FOXP1: variants seen among roughly 807,000 people sequenced by gnomAD.
FOXP1 encodes forkhead box protein P1.
Under a neutral mutation model 98.2 loss-of-function variants are expected in FOXP1, and 15 were observed. The observed-to-expected ratio is 0.15, with a 90% confidence interval of 0.10 to 0.24. FOXP1 has a LOEUF of 0.24. Ranked by LOEUF, FOXP1 falls within the 10% of genes least tolerant of loss-of-function variation. The pLI, the probability that FOXP1 is intolerant of heterozygous loss-of-function variation, is 1.00. For synonymous variants in FOXP1, 371 were observed against 314.5 expected (o/e 1.18, Z -1.90); for missense variants, 633 against 848.5 (o/e 0.75, Z 3.15).
chr3:71,219,980 C>T (rs2065235089), intron 5 of FOXP1, among the ~76,000 whole-genome samples: 1 of 152,214 alleles, frequency 6.6e-6, no homozygotes. Context: ...ACCTCTCCGC[C>T]TCCACCATGA....
chr3:71,371,495 T>C (rs185706803), intron 3 of FOXP1, among the ~76,000 whole-genome samples: 10 of 152,318 alleles, frequency 6.6e-5, no homozygotes, highest in Admixed American at 3.9e-4. Context: ...CATTTCAGAA[T>C]AAAATCCAGG....
At chr3:71,002,271 T>C (rs925834336) in intron 12 of FOXP1, among the ~76,000 whole-genome samples, 4 of 152,208 alleles carry the variant, frequency 2.6e-5, no homozygotes, top group African/African-American at 9.7e-5. Flanking sequence ...GTAATGACTT[T>C]TACCTTAAAA....
chr3:71,137,535 T>C (rs1046131448), intron 6 of FOXP1, among the ~76,000 whole-genome samples: 1 of 152,152 alleles, frequency 6.6e-6, no homozygotes, highest in African/African-American at 2.4e-5. Context: ...CCTGTTCTGA[T>C]TGTGGAAATC....
At chr3:71,553,289 A>G (rs1423079270) in intron 2 of FOXP1, among the ~76,000 whole-genome samples, 1 of 152,202 alleles carries the variant, frequency 6.6e-6, no homozygotes, top group Non-Finnish European at 1.5e-5. Context: ...TACAAGATGA[A>G]ATTCATCAAA....
At chr3:71,274,742 G>A (rs1477740238) in intron 5 of FOXP1, among the ~76,000 whole-genome samples, 1 of 152,194 alleles carries the variant, frequency 6.6e-6, no homozygotes, top group Non-Finnish European at 1.5e-5. Context: ...TAAAGGCTGG[G>A]TAGATCTGGG....
intron 12 of FOXP1, 119 bp downstream of exon 12, chr3:71,015,430 G>T: frequency 1.5e-6 from 1 of 679,370 alleles, no homozygotes; most frequent in Non-Finnish European, 2.7e-6. Context: ...GTGATTTAGA[G>T]TCCACTCTCA....
chr3:71,071,332 C>G (rs1396056683), intron 7 of FOXP1, among the ~76,000 whole-genome samples: 1 of 152,176 alleles, frequency 6.6e-6, no homozygotes, highest in East Asian at 1.9e-4. Context: ...AGTTTCCAGA[C>G]AGCTCCAAGT....
At chr3:71,475,611 G>A (rs2089759618) in intron 3 of FOXP1, among the ~76,000 whole-genome samples, 1 of 152,138 alleles carries the variant, frequency 6.6e-6, no homozygotes, top group Admixed American at 6.5e-5. Flanking sequence ...GGGAGGGTGA[G>A]GTGGGCAGAT....
At chr3:71,531,943 G>T (rs148202418) in intron 2 of FOXP1, among the ~76,000 whole-genome samples, 1 of 152,274 alleles carries the variant, frequency 6.6e-6, no homozygotes, top group Admixed American at 6.5e-5. Context: ...TGAAAAAACC[G>T]AATGTCATTT....
At chr3:71,364,120 A>C (rs2078754338) in intron 3 of FOXP1, among the ~76,000 whole-genome samples, 1 of 152,190 alleles carries the variant, frequency 6.6e-6, no homozygotes, top group Non-Finnish European at 1.5e-5. Context: ...ACACCCGGCT[A>C]ATTTCAAAAA....
intron 5 of FOXP1, among the ~76,000 whole-genome samples, chr3:71,232,841 C>A (rs904475684): frequency 1.7e-5 from 2 of 119,546 alleles, no homozygotes; most frequent in African/African-American, 6.4e-5. Context: ...GAAGTTATAA[C>A]GAGCTGAGAT....
At chr3:71,001,126 G>T in intron 12 of FOXP1, 67 bp from the exon 13 acceptor site, 2 of 1,285,560 alleles carry the variant, frequency 1.6e-6, no homozygotes, top group Non-Finnish European at 2.3e-6. Context: ...AAGTTACCAG[G>T]ATGTTTAAGC....
chr3:71,212,259 G>A (rs1039316335), intron 5 of FOXP1, among the ~76,000 whole-genome samples: 11 of 152,160 alleles, frequency 7.2e-5, no homozygotes, highest in South Asian at 4.1e-4. Flanking sequence ...CAACCTATCC[G>A]TGAGTGGTAC....
chr3:71,406,179 G>C (rs951612707), intron 3 of FOXP1, among the ~76,000 whole-genome samples: 2 of 151,862 alleles, frequency 1.3e-5, no homozygotes, highest in Non-Finnish European at 2.9e-5. Flanking sequence ...AAACTTAAGG[G>C]CTTAAAACAA....
chr3:71,111,871 T>C (rs974346716), intron 7 of FOXP1, among the ~76,000 whole-genome samples: 3 of 152,138 alleles, frequency 2.0e-5, no homozygotes, highest in East Asian at 1.9e-4. Context: ...CACTGAAGAA[T>C]TGGGTATATA....
intron 6 of FOXP1, among the ~76,000 whole-genome samples, chr3:71,156,093 T>A (rs181439147): frequency 6.6e-6 from 1 of 152,220 alleles, no homozygotes; most frequent in Non-Finnish European, 1.5e-5. Context: ...AGATGAACAC[T>A]TAATTGAGAG....
In FOXP1 at chr3:70,957,204, G is replaced by C. The variant is rs1404946711; in HGVS notation, c.*2043C>G. The C allele has an allele frequency of 9.1e-6, 2 of 220,700 alleles. No homozygotes were observed. The highest frequency in any genetic ancestry group is 1.8e-5 in the Non-Finnish European group (2 of 110,834). 13.7% of individuals were successfully genotyped at this position (220,700 alleles called of 1,614,324 possible). A position where few individuals can be genotyped will look rare whatever the true frequency, so the allele number is the denominator to read the frequency against. ...TTCCTTCTGTAGCTCCTTTAATATTGTGTCCTATTTTTATCTGCAGTAGCC... is the reference window on the plus strand; with the variant it reads ...TTCCTTCTGTAGCTCCTTTAATATTCTGTCCTATTTTTATCTGCAGTAGCC... On this transcript the variant is annotated 3_prime_UTR_variant, in exon 21 of 21. Transcript: ENST00000649528.
At position 71,198,526 on chromosome 3, in the gene FOXP1, C is replaced by T. The variant is rs1576341601; in HGVS notation, c.-11-134G>A. 3.8e-6 allele frequency: 3 copies of T among 788,454 alleles called. No individual in the cohort carries two copies. In the South Asian group the frequency reaches 4.9e-5, roughly 13 times the overall value. 48.8% of individuals were successfully genotyped at this position (788,454 alleles called of 1,614,324 possible). A position where few individuals can be genotyped will look rare whatever the true frequency, so the allele number is the denominator to read the frequency against. On this transcript the variant is annotated intron_variant, in intron 5 of 20. Coordinates refer to ENST00000649528, the MANE Select transcript of FOXP1 (RefSeq NM_001349338.3). ...AAAATCTGTAAACAGTTGTCATTTT[C>T]TTTCACTCAACTTATCCCCTCATTA...
At chr3:71,435,116 A>G (rs2085125153) in intron 3 of FOXP1, among the ~76,000 whole-genome samples, 1 of 148,070 alleles carries the variant, frequency 6.8e-6, no homozygotes, top group South Asian at 2.3e-4. Flanking sequence ...AGACTTCAAG[A>G]CAAAAGGGAA....
Sources: allele counts gnomAD v4.1 joint callset (sites outside exome capture counted in the v4.1 genomes callset), GRCh38; gene constraint gnomAD v4.1.1; transcripts MANE v1.5; gene names NCBI Gene and HGNC (gene_info 2026-07-23, HGNC 2026-07-21).